The following CUX2 variants were observed in gnomAD, a reference collection of about 807,000 sequenced individuals.
The protein encoded by CUX2 is homeobox protein cut-like 2.
In CUX2, 40 loss-of-function variants were observed where a neutral mutation model predicts 144.8. The observed-to-expected ratio is 0.28, with a 90% CI of 0.21 to 0.36. The LOEUF (loss-of-function observed/expected upper bound fraction) is 0.36. Among genes scored for constraint, CUX2 ranks in the 10% least tolerant of loss-of-function variants. CUX2 has a pLI of 1.00. For missense variants in CUX2, 1,615 were observed against 1,994.0 expected (o/e 0.81, Z 3.62); for synonymous variants, 827 against 875.6 (o/e 0.94, Z 0.98).
At chr12:111,086,201 CA>C (rs1224491797) in intron 1 of CUX2, among the ~76,000 whole-genome samples, 3 of 152,204 alleles carry the variant, frequency 2.0e-5, no homozygotes, top group Non-Finnish European at 4.4e-5. Flanking sequence ...TTGGCCACTT[CA>C]GTGGTTAAAT....
At chr12:111,119,678 T>C (rs1367158971) in intron 1 of CUX2, among the ~76,000 whole-genome samples, 2 of 152,240 alleles carry the variant, frequency 1.3e-5, no homozygotes, top group Non-Finnish European at 2.9e-5. Flanking sequence ...TCTCTCAGTC[T>C]AGTGCCCGAC....
At chr12:111,121,369 CTTTTTTTTTTT>C (rs5800920) in intron 1 of CUX2, among the ~76,000 whole-genome samples, 33 of 59,056 alleles carry the variant, frequency 5.6e-4, no homozygotes, top group African/African-American at 1.7e-3. Flanking sequence ...TTTCTTTTTT[CTTTTTTTTTTT>C]TTTTTTTTTT....
intron 3 of CUX2, among the ~76,000 whole-genome samples, chr12:111,222,441 T>A (rs1881903292): frequency 6.6e-6 from 1 of 152,218 alleles, no homozygotes; most frequent in Admixed American, 6.5e-5. Flanking sequence ...CGCCTTTTTC[T>A]TCCACCATAA....
In CUX2 at chr12:111,177,272, C is replaced by T. The variant is rs115777560; in HGVS notation, c.64-36928C>T. On this transcript the variant is annotated intron_variant, in intron 1 of 21. Coordinates refer to ENST00000261726, the MANE Select transcript of CUX2 (RefSeq NM_015267.4). ...AGCCTGAGACCCCAAAAGCAAACAT[C>T]ATGAAAAATCAAATAAAATTGCCCC... 8.5e-3 allele frequency among the ~76,000 whole-genome samples: 1,295 copies of T among 152,302 alleles called. 11 individuals carry two copies. Among genetic ancestry groups the T allele is most frequent in the African/African-American group, 0.03 (1,238 of 41,556 alleles).
chr12:111,099,149 G>A (rs1873028796), intron 1 of CUX2, among the ~76,000 whole-genome samples: 2 of 152,178 alleles, frequency 1.3e-5, no homozygotes, highest in African/African-American at 4.8e-5. Context: ...CAGCAGTGTG[G>A]AAGGAAGTGA....
intron 1 of CUX2, among the ~76,000 whole-genome samples, chr12:111,173,015 C>T (rs956933587): frequency 6.6e-6 from 1 of 152,158 alleles, no homozygotes; most frequent in Non-Finnish European, 1.5e-5. Flanking sequence ...TGGGTGAGTG[C>T]GGGACTGGAA....
chr12:111,260,744 G>A (rs1884078180), intron 3 of CUX2, among the ~76,000 whole-genome samples: 1 of 152,198 alleles, frequency 6.6e-6, no homozygotes, highest in East Asian at 1.9e-4. Context: ...TGAAGGGAAA[G>A]TAGGGGGTGC....
rs905585709 is a variant in CUX2, at chr12:111,034,727, A to AGAG, written c.63+503_63+505dup. Among the ~76,000 whole-genome samples the AGAG allele has an allele frequency of 2.7e-5, 4 of 150,270 alleles. No individual in the cohort carries two copies. Among genetic ancestry groups the AGAG allele is most frequent in the East Asian group, 2.0e-4 (1 of 5,104 alleles). ...CTGGCGGGCAGGGAGGAGGAGGAGG[A>AGAG]GAGGAGGAGGAGGAGGAGAGAGGAG... On this transcript the variant is annotated intron_variant, in intron 1 of 21. Transcript: ENST00000261726. The surrounding 1 kb of genome is among the most constrained non-coding windows in gnomAD (Gnocchi z 4.2).
intron 3 of CUX2, among the ~76,000 whole-genome samples, chr12:111,253,835 TG>T (rs1325925776): frequency 5.0e-5 from 7 of 140,330 alleles, no homozygotes; most frequent in Non-Finnish European, 4.5e-5. Flanking sequence ...TTTTTTTTTT[TG>T]AGATGGAGTC....
intron 1 of CUX2, among the ~76,000 whole-genome samples, chr12:111,078,260 T>A (rs1414412307): frequency 2.0e-5 from 3 of 152,022 alleles, no homozygotes; most frequent in African/African-American, 7.2e-5. Flanking sequence ...TCCATTCTGG[T>A]GGGAGGAGCC....
intron 3 of CUX2, among the ~76,000 whole-genome samples, chr12:111,229,403 A>T (rs1882347794): frequency 6.6e-6 from 1 of 151,956 alleles, no homozygotes; most frequent in East Asian, 1.9e-4. Flanking sequence ...TATCAGTCAA[A>T]CCTCCCAGAT....
intron 3 of CUX2, among the ~76,000 whole-genome samples, chr12:111,249,164 G>A (rs1198549803): frequency 6.6e-6 from 1 of 152,202 alleles, no homozygotes; most frequent in African/African-American, 2.4e-5. Context: ...CAAGAGCCCA[G>A]TGATCATGCA....
chr12:111,172,470 G>A (rs1270699870), intron 1 of CUX2, among the ~76,000 whole-genome samples: 3 of 152,146 alleles, frequency 2.0e-5, no homozygotes, highest in Admixed American at 6.5e-5. Flanking sequence ...ATGCAGTAAC[G>A]AACAAATTAT....
At chr12:111,132,557 CTTTTTTTTT>C (rs1182564665) in intron 1 of CUX2, among the ~76,000 whole-genome samples, 5 of 97,156 alleles carry the variant, frequency 5.1e-5, no homozygotes, top group African/African-American at 1.5e-4. Flanking sequence ...GCTCTGTTTC[CTTTTTTTTT>C]TTTTTTTTTT....
intron 9 of CUX2, among the ~76,000 whole-genome samples, chr12:111,302,891 C>T (rs1284228146): frequency 8.1e-6 from 1 of 123,680 alleles, no homozygotes; most frequent in African/African-American, 3.4e-5. Context: ...CAAAGCAAGA[C>T]TCTGTCTTAA....
Position 111,251,240 on chromosome 12 carries a change from A to T in CUX2, c.223-12521A>T, listed in dbSNP as rs3825397. Among the ~76,000 whole-genome samples the T allele has an allele frequency of 1.1e-3, 174 of 152,238 alleles. 4 individuals are homozygous for T. In the East Asian group the frequency reaches 0.025, roughly 22 times the overall value. ...GTAGCTGGTGAATTACAAATGAGTG[A>T]TTCCCCTTTGTTTTGAGTGACAAGC... On this transcript the variant is annotated intron_variant, in intron 3 of 21. Transcript: ENST00000261726.
chr12:111,128,536 C>CAT (rs1382482289), intron 1 of CUX2, among the ~76,000 whole-genome samples: 1 of 152,142 alleles, frequency 6.6e-6, no homozygotes, highest in Non-Finnish European at 1.5e-5. Flanking sequence ...ACATATATAC[C>CAT]ACACCATTTG....
At chr12:111,228,035 C>T (rs1882253429) in intron 3 of CUX2, among the ~76,000 whole-genome samples, 1 of 152,144 alleles carries the variant, frequency 6.6e-6, no homozygotes. Flanking sequence ...GGGAGAGAGT[C>T]ACCAGCCCAC....
intron 3 of CUX2, among the ~76,000 whole-genome samples, chr12:111,233,227 G>GTA: frequency 6.6e-6 from 1 of 152,254 alleles, no homozygotes; most frequent in East Asian, 1.9e-4. Flanking sequence ...CTCCATATCT[G>GTA]CTCTGCCAAG....
Sources: allele counts gnomAD v4.1 joint callset (sites outside exome capture counted in the v4.1 genomes callset), GRCh38; gene constraint gnomAD v4.1.1; non-coding constraint Gnocchi (gnomAD v3.1); transcripts MANE v1.5; gene names NCBI Gene and HGNC (gene_info 2026-07-23, HGNC 2026-07-21).